Variants in SPOP observed in about 807,000 individuals in gnomAD.
SPOP encodes speckle type BTB/POZ protein, also known as speckle-type POZ protein.
Under a neutral mutation model 45.6 loss-of-function variants are expected in SPOP, and 11 were observed. The ratio of observed to expected loss-of-function variants is 0.24; its 90% confidence interval spans 0.15 to 0.40. SPOP has a LOEUF of 0.40. Among genes scored for constraint, SPOP ranks in the 10% least tolerant of loss-of-function variants. The pLI, the probability that SPOP is intolerant of heterozygous loss-of-function variation, is 1.00. For synonymous variants in SPOP, 166 were observed against 166.3 expected (o/e 1.00, Z 0.01); for missense variants, 152 against 465.6 (o/e 0.33, Z 6.20).
chr17:49,616,588 A>T (rs2072091117), intron 5 of SPOP, among the ~76,000 whole-genome samples: 1 of 152,262 alleles, frequency 6.6e-6, no homozygotes, highest in East Asian at 1.9e-4. Flanking sequence ...AAAAGTGCTA[A>T]GAACTTAGAT....
chr17:49,663,060 G>A (rs2073009483), intron 1 of SPOP, among the ~76,000 whole-genome samples: 2 of 152,266 alleles, frequency 1.3e-5, no homozygotes, highest in Non-Finnish European at 2.9e-5. Flanking sequence ...GGGTAAAACT[G>A]CTGGTGCCTT....
chr17:49,652,645 A>G (rs976200824), intron 1 of SPOP, among the ~76,000 whole-genome samples: 3 of 152,192 alleles, frequency 2.0e-5, no homozygotes, highest in African/African-American at 7.2e-5. Context: ...TTTAGAAGTC[A>G]CCAAAACTAT....
intron 1 of SPOP, among the ~76,000 whole-genome samples, chr17:49,676,406 A>T (rs1374823093): frequency 4.6e-5 from 7 of 152,230 alleles, no homozygotes; most frequent in Non-Finnish European, 8.8e-5. Flanking sequence ...CACAAAAGAC[A>T]GCAGAACCCT....
intron 1 of SPOP, among the ~76,000 whole-genome samples, chr17:49,676,541 C>G (rs2073201709): frequency 2.0e-5 from 3 of 152,162 alleles, no homozygotes; most frequent in Admixed American, 6.5e-5. Context: ...AGAATACAAA[C>G]TAAAGAGAAT....
At chr17:49,663,169 CA>C (rs1339810671) in intron 1 of SPOP, among the ~76,000 whole-genome samples, 1 of 152,208 alleles carries the variant, frequency 6.6e-6, no homozygotes, top group Non-Finnish European at 1.5e-5. Context: ...GGCGAGCAAG[CA>C]TTACTGCCTG....
chr17:49,664,403 T>C (rs1006578379), intron 1 of SPOP, among the ~76,000 whole-genome samples: 6 of 152,242 alleles, frequency 3.9e-5, no homozygotes, highest in African/African-American at 1.4e-4. Context: ...GCAACTCTTC[T>C]CATGAATTTT....
intron 1 of SPOP, among the ~76,000 whole-genome samples, chr17:49,644,464 GGAA>G (rs1432295678): frequency 2.0e-5 from 3 of 152,130 alleles, no homozygotes; most frequent in Admixed American, 6.5e-5. Context: ...AAGAGGAGAA[GGAA>G]GAAGAAGATG....
At chr17:49,657,122 T>G (rs914362288) in intron 1 of SPOP, among the ~76,000 whole-genome samples, 1 of 151,828 alleles carries the variant, frequency 6.6e-6, no homozygotes, top group Non-Finnish European at 1.5e-5. Flanking sequence ...GAGGCGGAGC[T>G]TGCAGTGAGC....
rs184587922 is a variant in SPOP, at chr17:49,625,129, T to A, written c.-66-2253A>T. 2.0e-5 allele frequency among the ~76,000 whole-genome samples: 3 copies of A among 152,266 alleles called. No individual in the cohort carries two copies. In the East Asian group the frequency reaches 5.8e-4, roughly 29 times the overall value. Reference sequence around the variant, plus strand: ...TTTGCATTTCTAACAAGTTCCCAGATGATCCTTTGAGAACTGCTGTCCTAG... The same window carrying A: ...TTTGCATTTCTAACAAGTTCCCAGAAGATCCTTTGAGAACTGCTGTCCTAG... On this transcript the variant is annotated intron_variant, in intron 1 of 9. Transcript: ENST00000504102.
chr17:49,605,380 C>T (rs552657348), intron 8 of SPOP, among the ~76,000 whole-genome samples: 65 of 152,306 alleles, frequency 4.3e-4, no homozygotes, highest in Admixed American at 1.2e-3. Flanking sequence ...TGTGAATGCT[C>T]AAGTCACTTA....
intron 8 of SPOP, among the ~76,000 whole-genome samples, chr17:49,606,441 G>A (rs2143147878): frequency 6.6e-6 from 1 of 151,174 alleles, no homozygotes; most frequent in East Asian, 2.0e-4. Flanking sequence ...TAGGCTGGAG[G>A]CACTGCACAC....
rs2072185707 is a variant in SPOP, at chr17:49,619,995, C to T, written c.201-610G>A. Among the ~76,000 whole-genome samples, 1 of 151,572 alleles carries T rather than the reference C, an allele frequency of 6.6e-6. No homozygotes were observed. The highest frequency in any genetic ancestry group is 1.5e-5 in the Non-Finnish European group (1 of 67,922). ...CCAACGTGGTGAAACCCCGTCTCTA[C>T]TAAAAATAAAAAATAAAGAAAAAAA... On this transcript the variant is annotated intron_variant, in intron 3 of 9. Transcript: ENST00000504102. This position sits in a 1 kb window ranked among gnomAD's most constrained non-coding sequence, Gnocchi z 4.9.
At chr17:49,669,314 G>A (rs1413064566) in intron 1 of SPOP, among the ~76,000 whole-genome samples, 30 of 137,624 alleles carry the variant, frequency 2.2e-4, no homozygotes, top group African/African-American at 4.4e-4. Context: ...TGATCCACCC[G>A]TCTCAGCCTC....
At chr17:49,662,285 C>T (rs2072998973) in intron 1 of SPOP, among the ~76,000 whole-genome samples, 1 of 152,060 alleles carries the variant, frequency 6.6e-6, no homozygotes, top group Non-Finnish European at 1.5e-5. Context: ...CTACATGAGA[C>T]AAATTCCATA....
intron 1 of SPOP, among the ~76,000 whole-genome samples, chr17:49,639,380 A>C (rs2072604559): frequency 6.6e-6 from 1 of 152,212 alleles, no homozygotes; most frequent in Non-Finnish European, 1.5e-5. Context: ...ATAAGACTAA[A>C]GATTCTGCAA....
intron 1 of SPOP, among the ~76,000 whole-genome samples, chr17:49,667,259 A>G (rs936855289): frequency 3.3e-5 from 5 of 151,412 alleles, no homozygotes; most frequent in African/African-American, 9.7e-5. Flanking sequence ...TTTTAACAAA[A>G]TAAGTATTGC....
chr17:49,605,863 C>T (rs927632101), intron 8 of SPOP, among the ~76,000 whole-genome samples: 15 of 150,962 alleles, frequency 9.9e-5, no homozygotes, highest in African/African-American at 3.7e-4. Flanking sequence ...TGGCGGGCGC[C>T]TGTAATCCCA....
chr17:49,669,658 G>A (rs890952075), intron 1 of SPOP, among the ~76,000 whole-genome samples: 1 of 149,764 alleles, frequency 6.7e-6, no homozygotes, highest in Non-Finnish European at 1.5e-5. Context: ...CCAGCTACTC[G>A]GGAGGCTTAG....
chr17:49,673,131 T>C (rs2073157499), intron 1 of SPOP, among the ~76,000 whole-genome samples: 1 of 152,136 alleles, frequency 6.6e-6, no homozygotes, highest in South Asian at 2.1e-4. Flanking sequence ...GTGACAATAT[T>C]ATAAGCTTTA....
Sources: gnomAD v4.1 joint callset for allele counts (sites outside exome capture counted in the v4.1 genomes callset) on GRCh38, gnomAD v4.1.1 for gene constraint, Gnocchi (gnomAD v3.1) non-coding constraint, MANE v1.5 for transcripts, NCBI Gene and HGNC (gene_info 2026-07-23, HGNC 2026-07-21) for gene names.